The following PRKCZ variants were observed in gnomAD, a reference collection of about 807,000 sequenced individuals.
PRKCZ encodes the protein protein kinase C zeta, also known as protein kinase C zeta type.
Under a neutral mutation model 79.5 loss-of-function variants are expected in PRKCZ, and 33 were observed. That is an observed-to-expected ratio of 0.41 (90% CI 0.31 to 0.55). The LOEUF (loss-of-function observed/expected upper bound fraction) is 0.55. Among genes scored for constraint, PRKCZ ranks in the 20% least tolerant of loss-of-function variants. The pLI, the probability that PRKCZ is intolerant of heterozygous loss-of-function variation, is 0.19. For synonymous variants in PRKCZ, 342 were observed against 320.9 expected (o/e 1.07, Z -0.70); for missense variants, 578 against 813.5 (o/e 0.71, Z 3.52).
At chr1:2,148,779 C>G in intron 7 of PRKCZ, 93 bp from the exon 8 acceptor site, 1 of 1,288,830 alleles carries the variant, frequency 7.8e-7, no homozygotes. Context: ...TTCACCGTCA[C>G]CCTGCAGAGG....
At chr1:2,087,537 C>T (rs1308839953) in intron 4 of PRKCZ, among the ~76,000 whole-genome samples, 1 of 152,184 alleles carries the variant, frequency 6.6e-6, no homozygotes, top group Non-Finnish European at 1.5e-5. Context: ...TTCTGTGTCT[C>T]TCCTACAACC....
intron 4 of PRKCZ, among the ~76,000 whole-genome samples, chr1:2,092,804 G>A (rs928252287): frequency 6.6e-6 from 1 of 152,226 alleles, no homozygotes; most frequent in African/African-American, 2.4e-5. Flanking sequence ...GACAGGGCTC[G>A]GGAGGAGGGG....
At chr1:2,098,224 A>G (rs1162699481) in intron 4 of PRKCZ, 1 of 152,286 alleles carries the variant, frequency 6.6e-6, no homozygotes, top group Non-Finnish European at 1.5e-5. Flanking sequence ...TTTAGAATGA[A>G]GAACAAAGAA....
chr1:2,152,218 C>T (rs12082372), intron 9 of PRKCZ, among the ~76,000 whole-genome samples: 1 of 152,122 alleles, frequency 6.6e-6, no homozygotes, highest in Non-Finnish European at 1.5e-5. Context: ...ATACACATGA[C>T]ATAGAATTTG....
At chr1:2,135,746 G>A (rs187839156) in intron 5 of PRKCZ, among the ~76,000 whole-genome samples, 34 of 152,346 alleles carry the variant, frequency 2.2e-4, no homozygotes, top group Admixed American at 9.8e-4. Flanking sequence ...AAGAGTCTCC[G>A]TGAACCCTGG....
At chr1:2,049,020 G>T (rs550400826), upstream of PRKCZ, among the ~76,000 whole-genome samples, 3 of 152,284 alleles carry the variant, frequency 2.0e-5, no homozygotes, top group African/African-American at 7.2e-5. Context: ...ACAAAAATCA[G>T]CTGGGCATGG....
intron 4 of PRKCZ, among the ~76,000 whole-genome samples, chr1:2,085,460 C>G (rs1367182025): frequency 3.9e-5 from 6 of 152,266 alleles, no homozygotes; most frequent in Non-Finnish European, 8.8e-5. Context: ...AGGGCCAGAA[C>G]CCAGACTGGT....
chr1:2,069,326 C>G (rs1041827195), intron 4 of PRKCZ, among the ~76,000 whole-genome samples: 1 of 152,218 alleles, frequency 6.6e-6, no homozygotes, highest in Non-Finnish European at 1.5e-5. Context: ...GGAGAACCCC[C>G]GTGAGTGGAG....
At chr1:2,077,815 G>C (rs1662719626) in intron 4 of PRKCZ, among the ~76,000 whole-genome samples, 2 of 152,160 alleles carry the variant, frequency 1.3e-5, no homozygotes, top group African/African-American at 4.8e-5. Context: ...CTTTCTCTGG[G>C]ACACATCAGC....
chr1:2,139,872 C>T (rs1676972120), intron 5 of PRKCZ, among the ~76,000 whole-genome samples: 2 of 152,212 alleles, frequency 1.3e-5, no homozygotes, highest in Non-Finnish European at 2.9e-5. Context: ...CAACCCACTC[C>T]ACCACGTGGG....
At chr1:2,115,398 C>T (rs114005163) in intron 4 of PRKCZ, among the ~76,000 whole-genome samples, 34 of 152,246 alleles carry the variant, frequency 2.2e-4, no homozygotes, top group Non-Finnish European at 2.2e-4. Flanking sequence ...GGGAAACAGA[C>T]GTTTCCCTCG....
chr1:2,171,755 G>C (rs1684480071), intron 11 of PRKCZ: 1 of 375,152 alleles, frequency 2.7e-6, no homozygotes, highest in Non-Finnish European at 4.9e-6. Flanking sequence ...CATGGCTCCG[G>C]TCTTTCCCGC....
intron 4 of PRKCZ, among the ~76,000 whole-genome samples, chr1:2,132,335 G>A (rs1454264578): frequency 6.6e-6 from 1 of 152,238 alleles, no homozygotes; most frequent in Non-Finnish European, 1.5e-5. Context: ...CAGACATCTT[G>A]AATGCTCCCG....
intron 4 of PRKCZ, chr1:2,134,964 G>A (rs936354751): frequency 1.7e-5 from 4 of 240,932 alleles, no homozygotes; most frequent in Admixed American, 5.2e-5. Flanking sequence ...GTGACTTCAC[G>A]GCTCCACTGT....
In PRKCZ at chr1:2,149,060, TGG is replaced by T. The variant is rs1381525953; in HGVS notation, c.687+137_687+138del. On this transcript the variant is annotated intron_variant, in intron 8 of 17. Coordinates refer to ENST00000378567, the MANE Select transcript of PRKCZ (RefSeq NM_002744.6). This position sits in a 1 kb window ranked among gnomAD's most constrained non-coding sequence, Gnocchi z 4.1. Reference sequence around the variant, plus strand: ...TGTTGCTAACTAATCTTCACGGGTGTGGATGTCTAGAAGGAAGTCCTTATTCT... The same window carrying T: ...TGTTGCTAACTAATCTTCACGGGTGTATGTCTAGAAGGAAGTCCTTATTCT... 1.2e-5 allele frequency: 11 copies of T among 933,534 alleles called. No homozygotes were observed. The highest frequency in any genetic ancestry group is 1.7e-5 in the African/African-American group (1 of 60,466). The allele number at this position is 933,534 out of a possible 1,614,324, so 57.8% of individuals were successfully genotyped here.
intron 10 of PRKCZ, among the ~76,000 whole-genome samples, chr1:2,167,941 G>A (rs1048553587): frequency 1.3e-5 from 2 of 152,144 alleles, no homozygotes; most frequent in African/African-American, 2.4e-5. Flanking sequence ...CTTTCTTAAC[G>A]TTTTCTGACC....
In PRKCZ at chr1:2,182,151, T is replaced by G. The variant is rs201250599; in HGVS notation, c.1576-2432T>G. On this transcript the variant is annotated intron_variant, in intron 16 of 17. Coordinates refer to ENST00000378567, the MANE Select transcript of PRKCZ (RefSeq NM_002744.6). ...TGGATGTGGGCATTTCTTTGTAAGT[T>G]CCCAAAAGCCTATGAGGGTTTTTTC... The G allele has an allele frequency of 1.1e-4, 26 of 239,298 alleles. No individual in the cohort carries two copies. The East Asian group carries it at 3.5e-3, about 32-fold the overall frequency. The allele number at this position is 239,298 out of a possible 1,614,324, so 14.8% of individuals were successfully genotyped here.
intron 4 of PRKCZ, among the ~76,000 whole-genome samples, chr1:2,062,199 T>C (rs1038638042): frequency 2.6e-5 from 4 of 152,224 alleles, no homozygotes; most frequent in African/African-American, 7.2e-5. Context: ...ATCATCTCTA[T>C]GTAGTTACAA....
intron 9 of PRKCZ, 67 bp from the exon 10 acceptor site, chr1:2,155,928 C>T (rs987280786): frequency 2.2e-6 from 3 of 1,390,982 alleles, no homozygotes; most frequent in African/African-American, 2.8e-5. Context: ...CCTTGCCTCC[C>T]CCTTGCCCAG....
Sources: allele counts gnomAD v4.1 joint callset (sites outside exome capture counted in the v4.1 genomes callset), GRCh38; gene constraint gnomAD v4.1.1; non-coding constraint Gnocchi (gnomAD v3.1); transcripts MANE v1.5; gene names NCBI Gene and HGNC (gene_info 2026-07-23, HGNC 2026-07-21).